MGAT4C: variants seen among roughly 807,000 people sequenced by gnomAD.
MGAT4C encodes the protein MGAT4 family member C.
Under a neutral mutation model 40.1 loss-of-function variants are expected in MGAT4C, and 19 were observed. The ratio of observed to expected loss-of-function variants is 0.47; its 90% CI spans 0.33 to 0.70. The LOEUF (loss-of-function observed/expected upper bound fraction) is 0.70, where lower values mean the gene tolerates loss of function less well. Ranked by LOEUF, MGAT4C falls within the 30% of genes least tolerant of loss-of-function variation. The pLI is 0.02. For missense variants in MGAT4C, 491 were observed against 563.2 expected, an observed-to-expected ratio of 0.87 and a Z score of 1.30; for synonymous variants, 181 against 187.1, an observed-to-expected ratio of 0.97 and a Z score of 0.27.
chr12:86,383,714 A>T (rs2136222143), intron 3 of MGAT4C, among the ~76,000 whole-genome samples: 1 of 152,114 alleles, frequency 6.6e-6, no homozygotes, highest in Non-Finnish European at 1.5e-5. Flanking sequence ...AAAGTAACTA[A>T]CTTGGTTTTG....
chr12:86,416,906 C>A (rs1242202416), intron 3 of MGAT4C, among the ~76,000 whole-genome samples: 1 of 152,048 alleles, frequency 6.6e-6, no homozygotes, highest in Non-Finnish European at 1.5e-5. Context: ...TAATATGAAT[C>A]CAGAAGTCAG....
At chr12:86,239,322 T>C (rs1309704347) in intron 1 of MGAT4C, among the ~76,000 whole-genome samples, 1 of 152,044 alleles carries the variant, frequency 6.6e-6, no homozygotes, top group Admixed American at 6.6e-5. Flanking sequence ...ACTTTTGCTG[T>C]AAAATGCCAA....
intron 4 of MGAT4C, among the ~76,000 whole-genome samples, chr12:86,325,875 T>C (rs1954514824): frequency 1.1e-5 from 1 of 93,010 alleles, no homozygotes; most frequent in South Asian, 5.0e-4. Flanking sequence ...AGACCCTGTC[T>C]CCAAAAAGAA....
chr12:86,215,779 G>A (rs965664664), intron 1 of MGAT4C, among the ~76,000 whole-genome samples: 1 of 151,710 alleles, frequency 6.6e-6, no homozygotes, highest in Non-Finnish European at 1.5e-5. Context: ...TCAAAAGTGG[G>A]GTCCAAAGTA....
chr12:86,230,820 G>A (rs1951286200), intron 1 of MGAT4C, among the ~76,000 whole-genome samples: 1 of 151,368 alleles, frequency 6.6e-6, no homozygotes, highest in Admixed American at 6.6e-5. Flanking sequence ...TTGTAGCAAG[G>A]ATGACTCTGG....
intron 2 of MGAT4C, among the ~76,000 whole-genome samples, chr12:86,026,942 G>A (rs1200389867): frequency 6.6e-6 from 1 of 151,838 alleles, no homozygotes; most frequent in East Asian, 1.9e-4. Flanking sequence ...CTAAGTGGAA[G>A]GTAATCCTCA....
At chr12:86,038,326 T>G (rs1160869713) in intron 2 of MGAT4C, among the ~76,000 whole-genome samples, 1 of 149,562 alleles carries the variant, frequency 6.7e-6, no homozygotes, top group Admixed American at 6.7e-5. Context: ...ATGTCAGACA[T>G]GCAAGCCCTG....
intron 2 of MGAT4C, among the ~76,000 whole-genome samples, chr12:86,592,698 A>G (rs963943222): frequency 3.3e-5 from 5 of 152,100 alleles, no homozygotes; most frequent in African/African-American, 7.2e-5. Flanking sequence ...ACTGGCCTCT[A>G]TTCTTTAGAC....
intron 2 of MGAT4C, among the ~76,000 whole-genome samples, chr12:86,486,348 C>T (rs1300654932): frequency 2.1e-5 from 3 of 145,924 alleles, no homozygotes; most frequent in Non-Finnish European, 4.5e-5. Context: ...ACAGGTTCAA[C>T]ATAAAAGAAC....
At chr12:85,995,620 A>G (rs1229552443) in intron 2 of MGAT4C, among the ~76,000 whole-genome samples, 1 of 152,254 alleles carries the variant, frequency 6.6e-6, no homozygotes, top group Admixed American at 6.5e-5. Context: ...GTATTCTCAA[A>G]ACTTTGGAAG....
At chr12:86,323,057 A>C (rs1300440219) in intron 4 of MGAT4C, among the ~76,000 whole-genome samples, 1 of 151,516 alleles carries the variant, frequency 6.6e-6, no homozygotes, top group Non-Finnish European at 1.5e-5. Context: ...GCAACACATG[A>C]GGTTTGACAG....
rs1245968862 is a variant in MGAT4C, at chr12:85,959,077, C to G, written c.*20212G>C. The stretch of plus-strand genomic sequence containing the variant: ...CAATACAATACAATACAATACAATA[C>G]AATACAATACATGTAGACTCAGCAT... On this transcript the variant is annotated 3_prime_UTR_variant, in exon 5 of 5. Coordinates refer to ENST00000611864, the MANE Select transcript of MGAT4C (RefSeq NM_001351288.2). 6.6e-6 allele frequency: 1 copy of G among 151,634 alleles called. No individual in the cohort carries two copies. Among genetic ancestry groups the G allele is most frequent in the African/African-American group, 2.4e-5 (1 of 41,150 alleles). The allele number at this position is 151,634 out of a possible 1,614,324, so 9.4% of individuals were successfully genotyped here. A position where few individuals can be genotyped will look rare whatever the true frequency, so the allele number is the denominator to read the frequency against.
At chr12:86,097,832 C>T (rs1235658740) in intron 1 of MGAT4C, among the ~76,000 whole-genome samples, 4 of 151,684 alleles carry the variant, frequency 2.6e-5, no homozygotes, top group African/African-American at 9.6e-5. Context: ...GAAATATTCT[C>T]TACCTTGAAA....
chr12:86,588,069 G>A (rs1318376432), intron 2 of MGAT4C, among the ~76,000 whole-genome samples: 1 of 151,910 alleles, frequency 6.6e-6, no homozygotes, highest in Non-Finnish European at 1.5e-5. Context: ...CATTCAGTAT[G>A]ATATTGGCTG....
chr12:86,049,291 TCTGTGTGTGCGC>T (rs1384532696), intron 2 of MGAT4C, among the ~76,000 whole-genome samples: 7 of 151,896 alleles, frequency 4.6e-5, no homozygotes, highest in Admixed American at 1.3e-4. Context: ...TACCATCCTC[TCTGTGTGTGCGC>T]CTGTGTGTGT....
At chr12:86,420,926 C>G (rs1204408763) in intron 3 of MGAT4C, among the ~76,000 whole-genome samples, 2 of 150,714 alleles carry the variant, frequency 1.3e-5, no homozygotes, top group African/African-American at 2.4e-5. Flanking sequence ...TATATACATA[C>G]ATATACATGT....
chr12:86,482,603 A>G (rs534094035), intron 2 of MGAT4C, among the ~76,000 whole-genome samples: 2 of 152,196 alleles, frequency 1.3e-5, no homozygotes, highest in South Asian at 4.1e-4. Flanking sequence ...TCGAGAAAGT[A>G]TTACAAATAT....
chr12:86,268,848 CTTAG>C (rs1952860056), intron 4 of MGAT4C, among the ~76,000 whole-genome samples: 1 of 145,716 alleles, frequency 6.9e-6, no homozygotes, highest in Admixed American at 6.9e-5. Flanking sequence ...TTTTTTTCTT[CTTAG>C]TAATTATGCA....
At chr12:86,574,471 A>C (rs1191032967) in intron 2 of MGAT4C, among the ~76,000 whole-genome samples, 1 of 151,840 alleles carries the variant, frequency 6.6e-6, no homozygotes, top group Non-Finnish European at 1.5e-5. Context: ...TTTACAATTA[A>C]GTAATCCTCT....
Sources: allele counts gnomAD v4.1 joint callset (sites outside exome capture counted in the v4.1 genomes callset), GRCh38; gene constraint gnomAD v4.1.1; transcripts MANE v1.5; gene names NCBI Gene and HGNC (gene_info 2026-07-23, HGNC 2026-07-21).